The following UBXN11 variants were observed in gnomAD, a reference collection of about 807,000 sequenced individuals.
UBXN11 encodes the protein UBX domain protein 11, also known as UBX domain-containing protein 11.
In UBXN11, 47 loss-of-function variants were observed where a neutral mutation model predicts 62.8. The ratio of observed to expected loss-of-function variants is 0.75; its 90% CI spans 0.59 to 0.95. UBXN11 has a LOEUF of 0.95. Ranked by LOEUF, UBXN11 falls within the 40% of genes least tolerant of loss-of-function variation. The pLI, the probability that UBXN11 is intolerant of heterozygous loss-of-function variation, is 0.00. For synonymous variants in UBXN11, 294 were observed against 267.0 expected (o/e 1.10, Z -0.99); for missense variants, 638 against 661.7 (o/e 0.96, Z 0.39).
In UBXN11 at chr1:26,282,618, C is replaced by T. The variant is rs552206395; in HGVS notation, c.1292+31G>A. 14 of 1,613,366 alleles carry T rather than the reference C, an allele frequency of 8.7e-6. No homozygotes were observed. The South Asian group carries it at 9.9e-5, about 11-fold the overall frequency. Reference sequence around the variant, plus strand: ...AGGCTGGGCAGTGGGACCAGAGCCCCTCTGTGGCCCTGGCCCTGCCCTGCA... The same window carrying T: ...AGGCTGGGCAGTGGGACCAGAGCCCTTCTGTGGCCCTGGCCCTGCCCTGCA... On this transcript the variant is annotated intron_variant, in intron 14 of 14. Transcript: ENST00000374222.
At chr1:26,305,578 T>C (rs993889035) in intron 1 of UBXN11, among the ~76,000 whole-genome samples, 4 of 152,038 alleles carry the variant, frequency 2.6e-5, no homozygotes, top group Non-Finnish European at 5.9e-5. Context: ...GCACATTTCA[T>C]ATAAATGGAA....
chr1:26,302,599 C>T (rs2073566354), intron 2 of UBXN11, among the ~76,000 whole-genome samples: 1 of 152,104 alleles, frequency 6.6e-6, no homozygotes, highest in Admixed American at 6.6e-5. Flanking sequence ...TCCTACAGGG[C>T]CCATACCTTA....
In UBXN11 at chr1:26,284,204, T is replaced by G; in HGVS notation, c.1015A>C (p.Lys339Gln). 3 of 1,613,122 alleles carry G rather than the reference T, an allele frequency of 1.9e-6. No individual in the cohort carries two copies. Among genetic ancestry groups the G allele is most frequent in the South Asian group, 2.2e-5 (2 of 90,916 alleles). ...ACCTCGCCTTGCCGGATCACAAACT[T>G]GGGGAGCCTGTTCAGAAATTTCTCA... ...TAEKFLNRLPKFVIRQGEVID... is the reference protein window; with the variant it reads ...TAEKFLNRLPQFVIRQGEVID... The change falls in exon 12 of 15, where the codon AAG (lysine) becomes CAG (glutamine). Residue 339 changes from lysine to glutamine, a missense_variant. Lys to Gln is a moderately conservative substitution (Grantham distance 53). Coordinates refer to ENST00000374222, the MANE Select transcript of UBXN11 (RefSeq NM_001389556.1).
chr1:26,294,429 A>G (rs901992402), intron 7 of UBXN11, 98 bp from the exon 8 acceptor site: 8 of 1,532,670 alleles, frequency 5.2e-6, no homozygotes, highest in Non-Finnish European at 7.0e-6. Flanking sequence ...TCTGCAGGCA[A>G]TGGGGCCCCC....
rs1356133309 is a variant in UBXN11 at position 26,302,936 on chromosome 1, G to A, written c.-35-18C>T. ...GGAACTCCCTAGAGGAATGCAGGAA[G>A]TCAGCCCCTGGGGACAGACTCAGGG... On this transcript the variant is annotated intron_variant, in intron 1 of 14. Coordinates refer to ENST00000374222, the MANE Select transcript of UBXN11 (RefSeq NM_001389556.1). 17 of 1,578,580 alleles carry A rather than the reference G, an allele frequency of 1.1e-5. No homozygotes were observed. The highest frequency in any genetic ancestry group is 1.7e-5 in the Admixed American group (1 of 58,918).
intron 1 of UBXN11, among the ~76,000 whole-genome samples, chr1:26,312,499 G>C (rs559289945): frequency 6.6e-6 from 1 of 151,432 alleles, no homozygotes; most frequent in Non-Finnish European, 1.5e-5. Context: ...TGATCTGCCC[G>C]CCTCGGCCTC....
rs377222599 is a variant in UBXN11 at position 26,297,398 on chromosome 1, C to T, written c.355+29G>A. 5.8e-5 allele frequency: 88 copies of T among 1,511,408 alleles called. No homozygotes were observed. The African/African-American group carries it at 1.1e-3, about 19-fold the overall frequency. The allele number at this position is 1,511,408 out of a possible 1,614,324, so 93.6% of individuals were successfully genotyped here. On this transcript the variant is annotated intron_variant, in intron 6 of 14. Coordinates refer to ENST00000374222, the MANE Select transcript of UBXN11 (RefSeq NM_001389556.1). ...CCCAGGGGAGGTGCCTGACTGGGGG[C>T]GCAGGTCAGCCCTCCAAGAGCCCCC...
upstream of UBXN11, among the ~76,000 whole-genome samples, chr1:26,310,363 C>A (rs2073728721): frequency 6.6e-6 from 1 of 151,912 alleles, no homozygotes; most frequent in Admixed American, 6.6e-5. Context: ...CATGGTGAAA[C>A]CCCATCTCTA....
In UBXN11 at chr1:26,284,040, C is replaced by T. The variant is rs927241088; in HGVS notation, c.1077+102G>A. 12 of 1,261,810 alleles carry T rather than the reference C, an allele frequency of 9.5e-6. No individual in the cohort carries two copies. The Admixed American group carries it at 2.6e-4, about 27-fold the overall frequency. 78.2% of individuals were successfully genotyped at this position (1,261,810 alleles called of 1,614,324 possible). ...CAGCTCTGAGGGACTCATCAGGTGC[C>T]TCAAGCTTGAGCCTTCTGACAAGAC... On this transcript the variant is annotated intron_variant, in intron 12 of 14. Coordinates refer to ENST00000374222, the MANE Select transcript of UBXN11 (RefSeq NM_001389556.1).
intron 12 of UBXN11, 67 bp downstream of exon 12, chr1:26,284,075 G>A: frequency 1.4e-6 from 2 of 1,466,696 alleles, no homozygotes; most frequent in Middle Eastern, 1.8e-4. Context: ...CACTGTTCTG[G>A]CAGGCTGGAC....
In UBXN11 at chr1:26,296,554, G is replaced by A. The variant is rs148051776; in HGVS notation, c.432+365C>T. On this transcript the variant is annotated intron_variant, in intron 7 of 14. Transcript: ENST00000374222. Reference sequence around the variant, plus strand: ...GCTCCATGAGGTCAAAGACCCAGAGGAAGGGCCTCATGGCTGGAGGGGAGA... The same window carrying A: ...GCTCCATGAGGTCAAAGACCCAGAGAAAGGGCCTCATGGCTGGAGGGGAGA... Among the ~76,000 whole-genome samples, 1,320 of 152,362 alleles carry A rather than the reference G, an allele frequency of 8.7e-3. 9 individuals carry two copies. The highest frequency in any genetic ancestry group is 0.013 in the Non-Finnish European group (895 of 68,028).
Position 26,302,830 on chromosome 1 carries a change from C to T in UBXN11, c.54G>A (p.Ser18=), listed in dbSNP as rs753300494. 26 of 1,613,642 alleles carry T rather than the reference C, an allele frequency of 1.6e-5. No individual in the cohort carries two copies. Among genetic ancestry groups the T allele is most frequent in the Non-Finnish European group, 1.9e-5 (23 of 1,179,806 alleles). Residue 18 remains serine (S), a synonymous_variant, in exon 2 of 15, where the codon TCG becomes TCA. Coordinates refer to ENST00000374222, the MANE Select transcript of UBXN11 (RefSeq NM_001389556.1). The part of the protein sequence containing the change: ...LSKTRKVPLP[S]EPMNPGRRGI... ...CTCCTTACCCAGGATTCATAGGCTC[C>T]GAGGGCAGGGGCACTTTTCGGGTCT... is the stretch of plus-strand genomic sequence containing the variant.
rs754597406 is a variant in UBXN11 at position 26,282,335 on chromosome 1, G to A, written c.1527C>T (p.Pro509=). ...PGPSPGPGPG[P]SPCPGPSPSP... Reference sequence around the variant, plus strand: ...TGGGACTGGGTCCAGGACAGGGACTGGGGCCGGGACCGGGACCGGGACTGG... The same window carrying A: ...TGGGACTGGGTCCAGGACAGGGACTAGGGCCGGGACCGGGACCGGGACTGG... The change falls in exon 15 of 15, where the codon CCC becomes CCT. Residue 509 remains proline (P), a synonymous_variant. Transcript: ENST00000374222. The A allele has an allele frequency of 3.0e-6, 1 of 332,038 alleles. No individual in the cohort carries two copies. The highest frequency in any genetic ancestry group is 4.6e-6 in the Non-Finnish European group (1 of 219,170). 20.6% of individuals were successfully genotyped at this position (332,038 alleles called of 1,614,324 possible). A position where few individuals can be genotyped will look rare whatever the true frequency, so the allele number is the denominator to read the frequency against.
chr1:26,313,016 C>CA (rs1317870136), intron 1 of UBXN11, among the ~76,000 whole-genome samples: 1 of 117,938 alleles, frequency 8.5e-6, no homozygotes, highest in Non-Finnish European at 1.7e-5. Context: ...AGTGAATGAG[C>CA]AAAAGACTGA....
rs571846371 is a variant in UBXN11, at chr1:26,297,689, C to T, written c.301-208G>A. Among the ~76,000 whole-genome samples, 14 of 152,332 alleles carry T rather than the reference C, an allele frequency of 9.2e-5. No homozygotes were observed. The East Asian group carries it at 2.1e-3, about 23-fold the overall frequency. ...TGCGGCCCACACCTGAGGACCCCCA[C>T]ATCTGAGGGTGCCGCGCTCTGCTCA... On this transcript the variant is annotated intron_variant, in intron 5 of 14. Transcript: ENST00000374222.
At chr1:26,285,765 CAACT>C in intron 9 of UBXN11, 54 bp downstream of exon 9, 2 of 1,539,420 alleles carry the variant, frequency 1.3e-6, no homozygotes, top group South Asian at 2.5e-5. Flanking sequence ...TCATCATCCC[CAACT>C]AACAGTGGGC....
intron 1 of UBXN11, among the ~76,000 whole-genome samples, chr1:26,316,415 T>G: frequency 6.9e-6 from 1 of 144,656 alleles, no homozygotes; most frequent in African/African-American, 2.6e-5. Context: ...GAAGGGAGAG[T>G]GTGAAGGGAG....
intron 1 of UBXN11, chr1:26,317,926 G>A (rs2124684396): frequency 8.7e-7 from 1 of 1,151,818 alleles, no homozygotes; most frequent in Middle Eastern, 1.9e-4. Flanking sequence ...CTGCCTCCTG[G>A]TTCAAAAGCA....
intron 1 of UBXN11, among the ~76,000 whole-genome samples, chr1:26,312,499 G>A (rs559289945): frequency 1.3e-5 from 2 of 151,544 alleles, no homozygotes; most frequent in African/African-American, 4.8e-5. Context: ...TGATCTGCCC[G>A]CCTCGGCCTC....
Sources: gnomAD v4.1 joint callset for allele counts (sites outside exome capture counted in the v4.1 genomes callset) on GRCh38, gnomAD v4.1.1 for gene constraint, MANE v1.5 for transcripts, NCBI Gene and HGNC (gene_info 2026-07-23, HGNC 2026-07-21) for gene names.